Variants in RASAL2 observed in about 807,000 individuals in gnomAD.
The protein encoded by RASAL2 is RAS protein activator like 2, also known as ras GTPase-activating protein nGAP.
RASAL2 carries 58 observed loss-of-function variants against 128.9 expected under a neutral mutation model. The observed-to-expected ratio is 0.45, with a 90% CI of 0.36 to 0.56. The LOEUF (loss-of-function observed/expected upper bound fraction) is 0.56, where lower values mean the gene tolerates loss of function less well. Among genes scored for constraint, RASAL2 ranks in the 20% least tolerant of loss-of-function variants. The probability of loss-of-function intolerance (pLI) is 0.00; values close to 1 mark genes in which losing one functional copy is unlikely to be tolerated. For synonymous variants in RASAL2, 561 were observed against 580.8 expected (o/e 0.97, Z 0.49); for missense variants, 1,360 against 1,601.6 (o/e 0.85, Z 2.57).
intron 1 of RASAL2, among the ~76,000 whole-genome samples, chr1:178,145,714 A>G (rs570200780): frequency 2.4e-4 from 36 of 152,334 alleles, no homozygotes; most frequent in African/African-American, 6.7e-4. Flanking sequence ...TCTTCTTCCT[A>G]TCATCATCTG....
At chr1:178,122,828 C>G (rs1215551965) in intron 1 of RASAL2, among the ~76,000 whole-genome samples, 3 of 78,386 alleles carry the variant, frequency 3.8e-5, no homozygotes, top group Non-Finnish European at 7.1e-5. Context: ...ATCTGTAATA[C>G]TTACTTTCCA....
At chr1:178,195,788 TA>T (rs930351773) in intron 1 of RASAL2, among the ~76,000 whole-genome samples, 3 of 152,012 alleles carry the variant, frequency 2.0e-5, no homozygotes, top group Non-Finnish European at 2.9e-5. Flanking sequence ...GCATGACACT[TA>T]AAAAAATAAG....
intron 3 of RASAL2, among the ~76,000 whole-genome samples, chr1:178,374,897 A>G (rs1015441818): frequency 5.9e-5 from 9 of 152,278 alleles, no homozygotes; most frequent in Middle Eastern, 3.4e-3. Flanking sequence ...AGACACTGCT[A>G]GATGCTGTGG....
At chr1:178,420,690 A>G in intron 5 of RASAL2, 70 bp downstream of exon 5, 3 of 1,157,708 alleles carry the variant, frequency 2.6e-6, no homozygotes, top group Non-Finnish European at 3.6e-6. Flanking sequence ...ATTTTGGTCT[A>G]TTCTGAATTT....
intron 1 of RASAL2, among the ~76,000 whole-genome samples, chr1:178,253,086 C>T (rs909095305): frequency 1.3e-5 from 2 of 152,132 alleles, no homozygotes; most frequent in African/African-American, 4.8e-5. Flanking sequence ...TTGGTTCTTT[C>T]TCAAGACTCT....
chr1:178,473,407 G>A lies in RASAL2; in HGVS notation c.*168G>A, dbSNP rs1051331307. The A allele has an allele frequency of 1.9e-5, 15 of 781,716 alleles. No individual in the cohort carries two copies. The highest frequency in any genetic ancestry group is 2.9e-5 in the Admixed American group (1 of 34,630). 48.4% of individuals were successfully genotyped at this position (781,716 alleles called of 1,614,324 possible). A position where few individuals can be genotyped will look rare whatever the true frequency, so the allele number is the denominator to read the frequency against. ...CTTGTCTTTCAGGGCATAAGGCGGC[G>A]ACTTCCAAGGTCAATGCTTTTCCCC... On this transcript the variant is annotated 3_prime_UTR_variant, in exon 18 of 18. Transcript: ENST00000367649.
chr1:178,125,875 T>C (rs1462354835), intron 1 of RASAL2, among the ~76,000 whole-genome samples: 1 of 152,156 alleles, frequency 6.6e-6, no homozygotes, highest in Non-Finnish European at 1.5e-5. Flanking sequence ...ATGGTGACAG[T>C]GAGAGAAATT....
chr1:178,386,453 A>C (rs1260128628), intron 3 of RASAL2, among the ~76,000 whole-genome samples: 1 of 152,198 alleles, frequency 6.6e-6, no homozygotes, highest in Non-Finnish European at 1.5e-5. Context: ...AAAAACATCC[A>C]GATGTTCTCT....
At chr1:178,341,557 C>A (rs1440244829) in intron 3 of RASAL2, 1 of 1,613,466 alleles carries the variant, frequency 6.2e-7, no homozygotes, top group African/African-American at 1.3e-5. Context: ...GACTGGCGTG[C>A]CGGAAAGATC....
intron 1 of RASAL2, among the ~76,000 whole-genome samples, chr1:178,216,627 T>C (rs908084048): frequency 6.6e-6 from 1 of 152,168 alleles, no homozygotes; most frequent in Non-Finnish European, 1.5e-5. Context: ...ATTTAAATAA[T>C]TATATTGGTT....
chr1:178,186,823 CT>C (rs1662318257), intron 1 of RASAL2, among the ~76,000 whole-genome samples: 1 of 151,078 alleles, frequency 6.6e-6, no homozygotes, highest in Non-Finnish European at 1.5e-5. Context: ...TTTTTTCTTT[CT>C]TTTTTTGGGG....
At chr1:178,297,056 G>C (rs1361270683) in intron 2 of RASAL2, among the ~76,000 whole-genome samples, 1 of 151,526 alleles carries the variant, frequency 6.6e-6, no homozygotes, top group Admixed American at 6.6e-5. Flanking sequence ...AAAAAACAAA[G>C]AAAGAAAATT....
In RASAL2 at chr1:178,158,812, C is replaced by T. The variant is rs185408323; in HGVS notation, c.202+64118C>T. Among the ~76,000 whole-genome samples, 357 of 152,262 alleles carry T rather than the reference C, an allele frequency of 2.3e-3. 4 individuals are homozygous for T. The highest frequency in any genetic ancestry group is 8.1e-3 in the African/African-American group (337 of 41,560). On this transcript the variant is annotated intron_variant, in intron 1 of 17. Coordinates refer to ENST00000367649, the MANE Select transcript of RASAL2 (RefSeq NM_170692.4). ...TCTCTTAAAATTTATTTGATGCTTACTCTTCTTAGGAGAAAGATATGTGCC... is the reference window on the plus strand; with the variant it reads ...TCTCTTAAAATTTATTTGATGCTTATTCTTCTTAGGAGAAAGATATGTGCC...
In RASAL2 at chr1:178,443,212, A is replaced by C; in HGVS notation, c.1465A>C (p.Ser489Arg). 6.2e-7 allele frequency: 1 copy of C among 1,607,556 alleles called. No individual in the cohort carries two copies. The highest frequency in any genetic ancestry group is 1.1e-5 in the South Asian group (1 of 90,838). ...LACALVHILQ[S>R]TGRAKDFLTD... ...TTGTGCCTTAGTGCACATTCTTCAA[A>C]GTACTGGCAGAGCCAAGGTAAGTGG... The change falls in exon 8 of 18, where the codon AGT (serine) becomes CGT (arginine). Residue 489 changes from serine (S) to arginine (R), a missense_variant. By Grantham distance (110) the Ser-to-Arg change is moderately radical (BLOSUM62 -1). This residue lies in a region of RASAL2 where 617 missense variants were observed against 714.2 expected (regional missense o/e 0.86). Transcript: ENST00000367649.
At chr1:178,398,976 T>A (rs1673440016) in intron 4 of RASAL2, among the ~76,000 whole-genome samples, 1 of 152,214 alleles carries the variant, frequency 6.6e-6, no homozygotes, top group Admixed American at 6.5e-5. Context: ...TTACAAAGGC[T>A]CAATGCATGA....
chr1:178,203,310 C>T (rs1364771591), intron 1 of RASAL2, among the ~76,000 whole-genome samples: 7 of 152,210 alleles, frequency 4.6e-5, no homozygotes, highest in African/African-American at 1.7e-4. Flanking sequence ...CCATGTTCCT[C>T]ATCATCCTGA....
intron 5 of RASAL2, among the ~76,000 whole-genome samples, chr1:178,430,715 C>T (rs1050952465): frequency 6.6e-6 from 1 of 151,962 alleles, no homozygotes; most frequent in African/African-American, 2.4e-5. Context: ...AATGAGATAA[C>T]TGAGGTTCAG....
intron 1 of RASAL2, among the ~76,000 whole-genome samples, chr1:178,268,748 G>A (rs919612622): frequency 3.3e-5 from 5 of 152,078 alleles, no homozygotes; most frequent in African/African-American, 7.2e-5. Context: ...CATGCACCAC[G>A]GCTCCTGGCT....
intron 1 of RASAL2, among the ~76,000 whole-genome samples, chr1:178,265,664 A>G (rs1226634085): frequency 2.0e-5 from 3 of 152,210 alleles, no homozygotes; most frequent in African/African-American, 7.2e-5. Flanking sequence ...TAAATTGTAT[A>G]GCTTGATGTA....
Sources: allele counts gnomAD v4.1 joint callset (sites outside exome capture counted in the v4.1 genomes callset), GRCh38; gene constraint gnomAD v4.1.1; regional missense constraint gnomAD v4.1.1; transcripts MANE v1.5; gene names NCBI Gene and HGNC (gene_info 2026-07-23, HGNC 2026-07-21).